OSBPL8: variants seen among roughly 807,000 people sequenced by gnomAD.
The protein encoded by OSBPL8 is oxysterol binding protein like 8.
Under a neutral mutation model 125.5 loss-of-function variants are expected in OSBPL8, and 59 were observed. The ratio of observed to expected loss-of-function variants is 0.47; its 90% confidence interval spans 0.38 to 0.58. The LOEUF (loss-of-function observed/expected upper bound fraction) is 0.58, where lower values mean the gene tolerates loss of function less well. Ranked by LOEUF, OSBPL8 falls within the 20% of genes least tolerant of loss-of-function variation. The pLI is 0.00. For synonymous variants in OSBPL8, 330 were observed against 338.9 expected, an observed-to-expected ratio of 0.97 and a Z score of 0.29; for missense variants, 758 against 1,047.8, an observed-to-expected ratio of 0.72 and a Z score of 3.82.
intron 2 of OSBPL8, among the ~76,000 whole-genome samples, chr12:76,477,117 G>T (rs1207091929): frequency 6.6e-6 from 1 of 151,966 alleles, no homozygotes; most frequent in African/African-American, 2.4e-5. Context: ...CATCTTCTTG[G>T]TTCCTTTTGT....
chr12:76,369,343 A>G, intron 20 of OSBPL8, 42 bp from the exon 21 acceptor site: 1 of 1,563,624 alleles, frequency 6.4e-7, no homozygotes, highest in Non-Finnish European at 8.6e-7. Flanking sequence ...CTCAATGACT[A>G]AACAAAGAAC....
At chr12:76,518,765 C>T (rs540535229) in intron 1 of OSBPL8, among the ~76,000 whole-genome samples, 5 of 152,324 alleles carry the variant, frequency 3.3e-5, no homozygotes, top group Non-Finnish European at 7.4e-5. Context: ...CCAAGCTGTA[C>T]CTGGGCCCCT....
At chr12:76,493,550 C>T (rs1041173328) in intron 1 of OSBPL8, among the ~76,000 whole-genome samples, 11 of 152,110 alleles carry the variant, frequency 7.2e-5, no homozygotes, top group Non-Finnish European at 1.5e-4. Context: ...ATATATTATT[C>T]TATTCTCTCT....
chr12:76,540,329 G>A (rs1950604854), intron 1 of OSBPL8, among the ~76,000 whole-genome samples: 1 of 152,108 alleles, frequency 6.6e-6, no homozygotes, highest in Non-Finnish European at 1.5e-5. Context: ...AAGGTCTCTT[G>A]AGTCTAAGTC....
At chr12:76,539,496 G>T (rs1191788541) in intron 1 of OSBPL8, among the ~76,000 whole-genome samples, 1 of 152,036 alleles carries the variant, frequency 6.6e-6, no homozygotes, top group Non-Finnish European at 1.5e-5. Context: ...AAATACAAAT[G>T]AAAAACTAAA....
intron 1 of OSBPL8, among the ~76,000 whole-genome samples, chr12:76,503,480 C>A (rs1018704247): frequency 1.3e-5 from 2 of 152,208 alleles, no homozygotes; most frequent in Non-Finnish European, 2.9e-5. Flanking sequence ...TTCTGAGGTG[C>A]TGGAAGTTCA....
At chr12:76,528,624 TA>T (rs1203314568) in intron 1 of OSBPL8, among the ~76,000 whole-genome samples, 6 of 151,866 alleles carry the variant, frequency 4.0e-5, no homozygotes, top group Non-Finnish European at 8.8e-5. Flanking sequence ...CATCCTAAAA[TA>T]AAAGATAGTT....
Position 76,353,427 on chromosome 12 carries a change from A to C in OSBPL8, c.*2462T>G, listed in dbSNP as rs1197291226. On this transcript the variant is annotated 3_prime_UTR_variant, in exon 24 of 24. Coordinates refer to ENST00000261183, the MANE Select transcript of OSBPL8 (RefSeq NM_020841.5). ...ATAATTATTACTCAATTAAATTTTC[A>C]TGTAGGAAAATAAAATCTTGGTAAA... 6.6e-6 allele frequency: 1 copy of C among 151,862 alleles called. No individual in the cohort carries two copies. Among genetic ancestry groups the C allele is most frequent in the Non-Finnish European group, 1.5e-5 (1 of 67,808 alleles). The allele number at this position is 151,862 out of a possible 1,614,324, so 9.4% of individuals were successfully genotyped here. A position where few individuals can be genotyped will look rare whatever the true frequency, so the allele number is the denominator to read the frequency against.
chr12:76,514,926 T>C (rs759666436), intron 1 of OSBPL8, among the ~76,000 whole-genome samples: 2 of 152,246 alleles, frequency 1.3e-5, no homozygotes, highest in Non-Finnish European at 2.9e-5. Flanking sequence ...TTCCTCAGCC[T>C]GGTTTATTCT....
chr12:76,427,604 T>C (rs1870301918), intron 4 of OSBPL8, among the ~76,000 whole-genome samples: 1 of 152,048 alleles, frequency 6.6e-6, no homozygotes, highest in Non-Finnish European at 1.5e-5. Flanking sequence ...TAGATTATTC[T>C]AAAAAGCTAA....
chr12:76,434,157 A>G (rs950336076), intron 4 of OSBPL8, among the ~76,000 whole-genome samples: 3 of 152,322 alleles, frequency 2.0e-5, no homozygotes, highest in Non-Finnish European at 4.4e-5. Flanking sequence ...ACAGACAGAC[A>G]TATCGACCAA....
intron 17 of OSBPL8, among the ~76,000 whole-genome samples, chr12:76,374,155 C>T (rs1952725231): frequency 6.6e-6 from 1 of 152,146 alleles, no homozygotes; most frequent in Non-Finnish European, 1.5e-5. Context: ...TGGATATCAA[C>T]ATAGCAGCAA....
chr12:76,371,312 A>G (rs556759831), intron 19 of OSBPL8, 136 bp downstream of exon 19: 182 of 969,716 alleles, frequency 1.9e-4, no homozygotes, highest in Admixed American at 6.3e-4. Context: ...AAAACAGAAT[A>G]CTGTCACTTC....
intron 2 of OSBPL8, among the ~76,000 whole-genome samples, chr12:76,482,730 T>G (rs1877657391): frequency 6.6e-6 from 1 of 152,228 alleles, no homozygotes; most frequent in Non-Finnish European, 1.5e-5. Flanking sequence ...CATAAAACTT[T>G]GACTCTTTAA....
intron 1 of OSBPL8, among the ~76,000 whole-genome samples, chr12:76,535,195 T>A (rs10862080): frequency 0.11 from 16,198 of 152,046 alleles, 1,278 homozygotes; most frequent in East Asian, 0.36. Flanking sequence ...CATAAACTGT[T>A]AGAAAATATG....
At chr12:76,389,540 C>T (rs1230182073) in intron 12 of OSBPL8, 105 bp downstream of exon 12, 1 of 911,938 alleles carries the variant, frequency 1.1e-6, no homozygotes, top group Non-Finnish European at 1.6e-6. Context: ...AGTGATGTCT[C>T]ATTAGAGCCT....
Position 76,487,557 on chromosome 12 carries a change from A to T in OSBPL8, c.-6T>A, listed in dbSNP as rs189641273. The T allele has an allele frequency of 1.5e-5, 24 of 1,602,886 alleles. No individual in the cohort carries two copies. The African/African-American group carries it at 3.1e-4, about 21-fold the overall frequency. ...TCTGCCAAACCTCCCTCCATAATGA[A>T]AGAAGATAGGTTTATGCTTCTCTTT... is the stretch of plus-strand genomic sequence containing the variant. On this transcript the variant is annotated 5_prime_UTR_variant, in exon 2 of 24. Transcript: ENST00000261183.
chr12:76,482,794 G>A (rs1032077746), intron 2 of OSBPL8, among the ~76,000 whole-genome samples: 4 of 152,120 alleles, frequency 2.6e-5, no homozygotes, highest in African/African-American at 9.7e-5. Context: ...TCAAAAGATA[G>A]TTTTAGACAT....
intron 1 of OSBPL8, among the ~76,000 whole-genome samples, chr12:76,504,690 G>T (rs1007614045): frequency 1.3e-5 from 2 of 152,248 alleles, no homozygotes; most frequent in African/African-American, 4.8e-5. Flanking sequence ...TTTAAATTAT[G>T]ATAGCCCTTT....
Sources: gnomAD v4.1 joint callset for allele counts (sites outside exome capture counted in the v4.1 genomes callset) on GRCh38, gnomAD v4.1.1 for gene constraint, MANE v1.5 for transcripts, NCBI Gene and HGNC (gene_info 2026-07-23, HGNC 2026-07-21) for gene names.